The following MAP1B variants were observed in gnomAD, a reference collection of about 807,000 sequenced individuals.
MAP1B encodes microtubule-associated protein 1B.
Under a neutral mutation model 176.1 loss-of-function variants are expected in MAP1B, and 12 were observed. The ratio of observed to expected loss-of-function variants is 0.07; its 90% CI spans 0.04 to 0.11. MAP1B has a LOEUF of 0.11. Among genes scored for constraint, MAP1B ranks in the 10% least tolerant of loss-of-function variants. The probability of loss-of-function intolerance (pLI) is 1.00; values close to 1 mark genes in which losing one functional copy is unlikely to be tolerated. For missense variants in MAP1B, 2,523 were observed against 2,990.5 expected, an observed-to-expected ratio of 0.84 and a Z score of 3.65; for synonymous variants, 1,044 against 1,135.0, an observed-to-expected ratio of 0.92 and a Z score of 1.61.
In MAP1B at chr5:72,203,743, G is replaced by T; in HGVS notation, c.7193G>T (p.Ser2398Ile). ...AATGACCCTGCTGCTGAGGAGCCCA[G>T]CCGGGCTGTCCTGGACGCTTTGTTG... ...SGNDPAAEEPSRAVLDALLEG... is the reference protein window; with the variant it reads ...SGNDPAAEEPIRAVLDALLEG... The change falls in exon 6 of 7, where the codon AGC becomes ATC. Residue 2398 changes from serine to isoleucine, a missense_variant. Ser to Ile is a moderately radical substitution (Grantham distance 142). This residue lies in a region of MAP1B where 287 missense variants were observed against 401.5 expected (regional missense o/e 0.71). Transcript: ENST00000296755. 6.2e-7 allele frequency: 1 copy of T among 1,613,676 alleles called. No homozygotes were observed. Among genetic ancestry groups the T allele is most frequent in the South Asian group, 1.1e-5 (1 of 91,052 alleles).
intron 2 of MAP1B, among the ~76,000 whole-genome samples, chr5:72,128,153 C>T (rs1052988860): frequency 2.6e-5 from 4 of 152,162 alleles, no homozygotes; most frequent in African/African-American, 7.2e-5. Context: ...ATTGAATCTT[C>T]CTTGGAAGAC....
At chr5:72,145,189 C>T (rs1334920472) in intron 2 of MAP1B, among the ~76,000 whole-genome samples, 1 of 152,142 alleles carries the variant, frequency 6.6e-6, no homozygotes, top group African/African-American at 2.4e-5. Context: ...GATAGAAACC[C>T]TAGTGGAAAA....
rs1457042760 is a variant in MAP1B, at chr5:72,195,254, C to T, written c.1899C>T (p.Ala633=). The change falls in exon 5 of 7, where the codon GCC becomes GCT. Residue 633 remains alanine (A), a synonymous_variant. Transcript: ENST00000296755. The part of the protein sequence containing the change: ...KQATDVKPKA[A]KEKTVKKETK... Reference sequence around the variant, plus strand: ...CCACAGATGTCAAACCCAAAGCTGCCAAGGAGAAGACGGTGAAAAAGGAAA... The same window carrying T: ...CCACAGATGTCAAACCCAAAGCTGCTAAGGAGAAGACGGTGAAAAAGGAAA... The T allele has an allele frequency of 6.2e-7, 1 of 1,613,204 alleles. No homozygotes were observed. The highest frequency in any genetic ancestry group is 8.5e-7 in the Non-Finnish European group (1 of 1,179,938).
At chr5:72,146,138 A>G (rs1430724848) in intron 2 of MAP1B, among the ~76,000 whole-genome samples, 1 of 152,230 alleles carries the variant, frequency 6.6e-6, no homozygotes, top group African/African-American at 2.4e-5. Context: ...GCCAGTTGGA[A>G]GGAGGGAGAC....
intron 2 of MAP1B, among the ~76,000 whole-genome samples, chr5:72,119,143 G>A (rs1465388138): frequency 1.3e-5 from 2 of 151,858 alleles, no homozygotes; most frequent in Non-Finnish European, 2.9e-5. Context: ...CACAAGGTGG[G>A]TGGTGGGTGC....
chr5:72,156,070 T>A (rs1047749776), intron 2 of MAP1B, among the ~76,000 whole-genome samples: 5 of 152,128 alleles, frequency 3.3e-5, no homozygotes, highest in Admixed American at 6.5e-5. Context: ...CCCAGCTTGA[T>A]TTTCATTTTG....
Position 72,194,938 on chromosome 5 carries a change from C to T in MAP1B, c.1583C>T (p.Pro528Leu), listed in dbSNP as rs767185911. 38 of 1,614,180 alleles carry T rather than the reference C, an allele frequency of 2.4e-5. No individual in the cohort carries two copies. The highest frequency in any genetic ancestry group is 2.2e-5 in the Non-Finnish European group (26 of 1,180,036). The change falls in exon 5 of 7, where the codon CCT becomes CTT. Residue 528 changes from proline to leucine, a missense_variant. Pro to Leu is a moderately conservative substitution (Grantham distance 98, BLOSUM62 -3). This residue lies in a region of MAP1B where 1,925 missense variants were observed against 2,126.0 expected (regional missense o/e 0.91). Coordinates refer to ENST00000296755, the MANE Select transcript of MAP1B (RefSeq NM_005909.5). This position sits in a 1 kb window ranked among gnomAD's most constrained non-coding sequence, Gnocchi z 7.2. ...QKDLTGQVPT[P>L]VVKQTKLKQR... is the part of the protein sequence containing the mutation. ...GATCTCACTGGCCAGGTGCCCACTC[C>T]TGTGGTGAAACAAACAAAACTGAAA...
intron 4 of MAP1B, among the ~76,000 whole-genome samples, chr5:72,188,498 G>T (rs778653819): frequency 1.4e-4 from 22 of 152,098 alleles, no homozygotes; most frequent in Middle Eastern, 6.8e-3. Flanking sequence ...TGTCTTTTTT[G>T]CCGAAAAACC....
At chr5:72,118,756 G>A (rs1179422293) in intron 2 of MAP1B, among the ~76,000 whole-genome samples, 1 of 152,116 alleles carries the variant, frequency 6.6e-6, no homozygotes, top group Non-Finnish European at 1.5e-5. Context: ...CCACAGTTTT[G>A]TTTTGTTTTA....
chr5:72,161,315 G>A (rs1746321320), intron 2 of MAP1B, among the ~76,000 whole-genome samples: 1 of 152,200 alleles, frequency 6.6e-6, no homozygotes, highest in Non-Finnish European at 1.5e-5. Flanking sequence ...AGCTGCCATT[G>A]AGAAATGGAA....
intron 2 of MAP1B, among the ~76,000 whole-genome samples, chr5:72,162,524 A>G (rs1228334706): frequency 2.0e-5 from 3 of 152,204 alleles, no homozygotes; most frequent in African/African-American, 4.8e-5. Context: ...AAAGCTCCCT[A>G]TAAAAAGCTT....
At position 72,206,572 on chromosome 5, in the gene MAP1B, C is replaced by T. The variant is rs1425145226; in HGVS notation, c.*1333C>T. ...TTTTTAAATTTTCCATTAATTTCAA[C>T]ATAATTATGGGAACAAGTGTACAGA... On this transcript the variant is annotated 3_prime_UTR_variant, in exon 7 of 7. Coordinates refer to ENST00000296755, the MANE Select transcript of MAP1B (RefSeq NM_005909.5). 6.6e-6 allele frequency: 1 copy of T among 152,454 alleles called. No individual in the cohort carries two copies. Among genetic ancestry groups the T allele is most frequent in the African/African-American group, 2.4e-5 (1 of 41,386 alleles). The allele number at this position is 152,454 out of a possible 1,614,324, so 9.4% of individuals were successfully genotyped here.
chr5:72,135,536 A>T (rs758144199), intron 2 of MAP1B, among the ~76,000 whole-genome samples: 1 of 152,202 alleles, frequency 6.6e-6, no homozygotes, highest in Non-Finnish European at 1.5e-5. Flanking sequence ...CCTGGATTAG[A>T]CTGGCTTTGG....
At chr5:72,190,438 A>C (rs1273463011) in intron 4 of MAP1B, among the ~76,000 whole-genome samples, 1 of 152,200 alleles carries the variant, frequency 6.6e-6, no homozygotes, top group African/African-American at 2.4e-5. Context: ...GTTAAGCCAC[A>C]TCTCCCAATC....
intron 2 of MAP1B, among the ~76,000 whole-genome samples, chr5:72,117,732 A>G (rs1349888073): frequency 6.6e-6 from 1 of 152,242 alleles, no homozygotes; most frequent in Non-Finnish European, 1.5e-5. Flanking sequence ...GACACACAGC[A>G]TCTTTACTAT....
chr5:72,152,499 T>G (rs1746158281), intron 2 of MAP1B, among the ~76,000 whole-genome samples: 1 of 152,132 alleles, frequency 6.6e-6, no homozygotes, highest in Admixed American at 6.5e-5. Flanking sequence ...CAGGCTGGAG[T>G]GCAGTGGCGC....
chr5:72,168,909 G>A (rs1424437437), intron 2 of MAP1B, among the ~76,000 whole-genome samples: 1 of 152,098 alleles, frequency 6.6e-6, no homozygotes, highest in East Asian at 1.9e-4. Flanking sequence ...TAAATATATG[G>A]CCCAGAACTT....
At chr5:72,184,777 C>T (rs1177458772) in intron 3 of MAP1B, among the ~76,000 whole-genome samples, 1 of 152,228 alleles carries the variant, frequency 6.6e-6, no homozygotes, top group Non-Finnish European at 1.5e-5. Context: ...CTTCTACCCA[C>T]ACTTTGAGCA....
At chr5:72,178,466 C>T (rs1302586135) in intron 2 of MAP1B, among the ~76,000 whole-genome samples, 1 of 152,164 alleles carries the variant, frequency 6.6e-6, no homozygotes, top group African/African-American at 2.4e-5. Flanking sequence ...TGAACCTGGG[C>T]AGGGGGCTGG....
Sources: allele counts gnomAD v4.1 joint callset (sites outside exome capture counted in the v4.1 genomes callset), GRCh38; gene constraint gnomAD v4.1.1; regional missense constraint gnomAD v4.1.1; non-coding constraint Gnocchi (gnomAD v3.1); transcripts MANE v1.5; gene names NCBI Gene and HGNC (gene_info 2026-07-23, HGNC 2026-07-21).